The following TTBK2 variants were observed in gnomAD, a reference collection of about 807,000 sequenced individuals.
TTBK2 encodes tau tubulin kinase 2.
Under a neutral mutation model 110.8 loss-of-function variants are expected in TTBK2, and 28 were observed. The ratio of observed to expected loss-of-function variants is 0.25; its 90% CI spans 0.19 to 0.35. The LOEUF is 0.35. Ranked by LOEUF, TTBK2 falls within the 10% of genes least tolerant of loss-of-function variation. The pLI, the probability that TTBK2 is intolerant of heterozygous loss-of-function variation, is 1.00. For missense variants in TTBK2, 1,369 were observed against 1,500.3 expected (o/e 0.91, Z 1.45); for synonymous variants, 532 against 527.3 (o/e 1.01, Z -0.12).
chr15:42,897,505 A>G (rs897847956), intron 1 of TTBK2, among the ~76,000 whole-genome samples: 1 of 152,102 alleles, frequency 6.6e-6, no homozygotes, highest in Non-Finnish European at 1.5e-5. Context: ...CCTTTTAGAC[A>G]GGGTGGGAAA....
chr15:42,920,085 A>T (rs1309957604), intron 1 of TTBK2, among the ~76,000 whole-genome samples: 1 of 152,112 alleles, frequency 6.6e-6, no homozygotes, highest in Non-Finnish European at 1.5e-5. Flanking sequence ...TTTCCTAGGA[A>T]TCCTTCGTGT....
chr15:42,893,147 A>G (rs1447703335), intron 1 of TTBK2, among the ~76,000 whole-genome samples: 1 of 152,220 alleles, frequency 6.6e-6, no homozygotes, highest in Non-Finnish European at 1.5e-5. Context: ...AAAATAAAAC[A>G]TATGATATGC....
intron 9 of TTBK2, among the ~76,000 whole-genome samples, chr15:42,797,188 G>T (rs995935033): frequency 1.3e-5 from 2 of 152,220 alleles, no homozygotes; most frequent in Admixed American, 6.5e-5. Context: ...ATACAGGGGA[G>T]CCTTGCTATG....
At chr15:42,832,034 G>A (rs975484183) in intron 4 of TTBK2, among the ~76,000 whole-genome samples, 4 of 151,986 alleles carry the variant, frequency 2.6e-5, no homozygotes, top group Non-Finnish European at 2.9e-5. Flanking sequence ...TTCATACTTC[G>A]TACCTTCTTT....
Position 42,752,621 on chromosome 15 carries a change from T to C in TTBK2, c.2625A>G (p.Lys875=), listed in dbSNP as rs951685106. ...TGTCATCATCCTTAGATATCTTATT[T>C]TTTTGCATTTCTGCCACTTGGCCTA... is the stretch of plus-strand genomic sequence containing the variant. ...GQIGQVAEMQ[K]NKISKDDDIM... The change falls in exon 14 of 15, where the codon AAA becomes AAG. Residue 875 remains lysine, a synonymous_variant. Coordinates refer to ENST00000267890, the MANE Select transcript of TTBK2 (RefSeq NM_173500.4). 6.2e-7 allele frequency: 1 copy of C among 1,614,208 alleles called. No homozygotes were observed. Among genetic ancestry groups the C allele is most frequent in the African/African-American group, 1.3e-5 (1 of 75,054 alleles).
intron 3 of TTBK2, among the ~76,000 whole-genome samples, chr15:42,855,494 T>C (rs982489855): frequency 2.0e-5 from 3 of 152,162 alleles, no homozygotes; most frequent in Non-Finnish European, 2.9e-5. Context: ...ACTGGAGTTA[T>C]ACAAGAAGAA....
At chr15:42,748,772 A>C (rs1156352628) in intron 14 of TTBK2, among the ~76,000 whole-genome samples, 1 of 152,234 alleles carries the variant, frequency 6.6e-6, no homozygotes, top group African/African-American at 2.4e-5. Flanking sequence ...TCCTCAAAAT[A>C]TAAACATTCT....
In TTBK2 at chr15:42,817,016, T is replaced by C. The variant is rs370508949; in HGVS notation, c.603+16A>G. 4.4e-6 allele frequency: 7 copies of C among 1,590,106 alleles called. No homozygotes were observed. The highest frequency in any genetic ancestry group is 2.2e-5 in the South Asian group (2 of 90,752). ...TAGCATACTTATACAGATATGACTC[T>C]AGTTCAGATACCTACCCTGTTCCGA... On this transcript the variant is annotated intron_variant, in intron 7 of 14. Coordinates refer to ENST00000267890, the MANE Select transcript of TTBK2 (RefSeq NM_173500.4).
In TTBK2 at chr15:42,914,668, G is replaced by A. The variant is rs532743711; in HGVS notation, c.-68+5770C>T. ...AGAACTTGTCTAAAGCTGTTTCATG[G>A]GTTGTGTGGACATTTAATTTCAAAT... is the stretch of plus-strand genomic sequence containing the variant. On this transcript the variant is annotated intron_variant, in intron 1 of 14. Coordinates refer to ENST00000267890, the MANE Select transcript of TTBK2 (RefSeq NM_173500.4). Among the ~76,000 whole-genome samples the A allele has an allele frequency of 4.6e-5, 7 of 152,186 alleles. No homozygotes were observed. In the East Asian group the frequency reaches 1.2e-3, roughly 25 times the overall value.
chr15:42,858,393 A>T (rs1015616237), intron 3 of TTBK2, among the ~76,000 whole-genome samples: 1 of 152,210 alleles, frequency 6.6e-6, no homozygotes, highest in Non-Finnish European at 1.5e-5. Context: ...AAACGTGGGG[A>T]AAAAATGTTG....
intron 9 of TTBK2, chr15:42,801,527 T>C: frequency 1.3e-6 from 1 of 766,672 alleles, no homozygotes; most frequent in Admixed American, 1.7e-5. Context: ...GTCATCCCCA[T>C]GCTTCTGACC....
chr15:42,780,145 C>T (rs575505049), intron 11 of TTBK2, among the ~76,000 whole-genome samples: 1 of 150,924 alleles, frequency 6.6e-6, no homozygotes, highest in African/African-American at 2.4e-5. Flanking sequence ...CCTCAGCCTC[C>T]CAAGTACCTG....
intron 2 of TTBK2, among the ~76,000 whole-genome samples, chr15:42,875,117 C>T (rs771276939): frequency 9.9e-5 from 15 of 152,102 alleles, no homozygotes; most frequent in African/African-American, 2.2e-4. Flanking sequence ...GGTAGCTTCA[C>T]GTTTTACCTC....
intron 9 of TTBK2, among the ~76,000 whole-genome samples, chr15:42,797,638 C>G (rs1288276901): frequency 6.6e-6 from 1 of 152,152 alleles, no homozygotes; most frequent in African/African-American, 2.4e-5. Flanking sequence ...CAGGACAAGT[C>G]AGGGACTTAC....
Position 42,783,401 on chromosome 15 carries a change from TTTA to T in TTBK2, c.1197+15_1197+17del. 1 of 1,609,850 alleles carries T rather than the reference TTTA, an allele frequency of 6.2e-7. No individual in the cohort carries two copies. Among genetic ancestry groups the T allele is most frequent in the Non-Finnish European group, 8.5e-7 (1 of 1,176,180 alleles). ...AACTGTAAGAAATAAATTTCTGTTG[TTTA>T]TAAGGTACTCATACCTTACAAATTC... On this transcript the variant is annotated intron_variant, in intron 11 of 14. Coordinates refer to ENST00000267890, the MANE Select transcript of TTBK2 (RefSeq NM_173500.4).
Position 42,745,626 on chromosome 15 carries a change from T to G in TTBK2, c.*169A>C. 3.6e-6 allele frequency: 3 copies of G among 823,876 alleles called. No individual in the cohort carries two copies. In the South Asian group the frequency reaches 4.7e-5, roughly 13 times the overall value. The allele number at this position is 823,876 out of a possible 1,614,324, so 51.0% of individuals were successfully genotyped here. On this transcript the variant is annotated 3_prime_UTR_variant, in exon 15 of 15. Coordinates refer to ENST00000267890, the MANE Select transcript of TTBK2 (RefSeq NM_173500.4). ...TTCCTAATCTACTTGCTGCCTGCCT[T>G]AGGTAATTCCTTATCATGTATTATG...
In TTBK2 at chr15:42,746,059, G is replaced by A. The variant is rs371070916; in HGVS notation, c.3471C>T (p.Ser1157=). 1.1e-5 allele frequency: 18 copies of A among 1,614,022 alleles called. No individual in the cohort carries two copies. The highest frequency in any genetic ancestry group is 1.5e-5 in the Non-Finnish European group (18 of 1,180,028). Reference sequence around the variant, plus strand: ...AACTAGACGTGCGAGGCAAGGATGAGCTTCGAGGAGAGGCACTGGGACTCC... The same window carrying A: ...AACTAGACGTGCGAGGCAAGGATGAACTTCGAGGAGAGGCACTGGGACTCC... ...PRRSPSASPR[S]SSLPRTSSSS... The change falls in exon 15 of 15, where the codon AGC becomes AGT. Residue 1157 remains serine, a synonymous_variant. Transcript: ENST00000267890.
At chr15:42,891,463 T>C (rs1217450849) in intron 1 of TTBK2, among the ~76,000 whole-genome samples, 1 of 151,836 alleles carries the variant, frequency 6.6e-6, no homozygotes, top group Admixed American at 6.6e-5. Context: ...CATGAGCCAC[T>C]GTGCCCAGCC....
chr15:42,903,008 A>G (rs1254175137), intron 1 of TTBK2, among the ~76,000 whole-genome samples: 1 of 151,606 alleles, frequency 6.6e-6, no homozygotes, highest in Admixed American at 6.6e-5. Context: ...AAAAAGAAAG[A>G]AAGAAAGAAA....
Sources: allele counts gnomAD v4.1 joint callset (sites outside exome capture counted in the v4.1 genomes callset), GRCh38; gene constraint gnomAD v4.1.1; transcripts MANE v1.5; gene names NCBI Gene and HGNC (gene_info 2026-07-23, HGNC 2026-07-21).